The following UBR3 variants were observed in gnomAD, a reference collection of about 807,000 sequenced individuals.
The protein encoded by UBR3 is ubiquitin protein ligase E3 component n-recognin 3.
Under a neutral mutation model 243.2 loss-of-function variants are expected in UBR3, and 85 were observed. That is an observed-to-expected ratio of 0.35 (90% CI 0.29 to 0.42). UBR3 has a LOEUF of 0.42. Among genes scored for constraint, UBR3 ranks in the 10% least tolerant of loss-of-function variants. The pLI is 1.00. For missense variants in UBR3, 1,686 were observed against 2,300.8 expected, an observed-to-expected ratio of 0.73 and a Z score of 5.47; for synonymous variants, 748 against 799.8, an observed-to-expected ratio of 0.94 and a Z score of 1.09.
chr2:169,959,922 A>G (rs899710475), intron 24 of UBR3, among the ~76,000 whole-genome samples: 1 of 152,204 alleles, frequency 6.6e-6, no homozygotes, highest in African/African-American at 2.4e-5. Context: ...GATGGGTTGC[A>G]GTCAAAACTA....
chr2:169,919,568 C>G (rs2085607258), intron 11 of UBR3, among the ~76,000 whole-genome samples: 1 of 152,104 alleles, frequency 6.6e-6, no homozygotes, highest in African/African-American at 2.4e-5. Flanking sequence ...ACTCATCTGA[C>G]AAAGGTTCAT....
intron 11 of UBR3, 51 bp from the exon 12 acceptor site, chr2:169,923,878 A>T: frequency 6.9e-7 from 1 of 1,443,206 alleles, no homozygotes; most frequent in Non-Finnish European, 9.3e-7. Context: ...AACCATCTTA[A>T]AATTTCTATA....
intron 25 of UBR3, among the ~76,000 whole-genome samples, chr2:169,992,480 G>A (rs2089316031): frequency 6.6e-6 from 1 of 152,136 alleles, no homozygotes; most frequent in South Asian, 2.1e-4. Flanking sequence ...TCCCTTATGA[G>A]TATACATGCA....
At position 170,082,860 on chromosome 2, in the gene UBR3, A is replaced by C. The variant is rs2091928160; in HGVS notation, c.*1017A>C. 2 of 152,420 alleles carry C rather than the reference A, an allele frequency of 1.3e-5. No individual in the cohort carries two copies. The highest frequency in any genetic ancestry group is 1.3e-4 in the Admixed American group (2 of 15,278). The allele number at this position is 152,420 out of a possible 1,614,324, so 9.4% of individuals were successfully genotyped here. ...TTTCCTAAAAGGAAAAAAAAGGCGC[A>C]GTGGTGATGACCCTCATGAATGAGC... is the stretch of plus-strand genomic sequence containing the variant. On this transcript the variant is annotated 3_prime_UTR_variant, in exon 39 of 39. Coordinates refer to ENST00000272793, the MANE Select transcript of UBR3 (RefSeq NM_172070.4).
At chr2:169,954,165 T>TTTGTTTTGTCTTGTC (rs2087159278) in intron 23 of UBR3, among the ~76,000 whole-genome samples, 2 of 140,740 alleles carry the variant, frequency 1.4e-5, no homozygotes, top group Non-Finnish European at 3.1e-5. Flanking sequence ...TAATGTTTGA[T>TTTGTTTTGTCTTGTC]TTGTCTTGTC....
chr2:170,020,776 A>G lies in UBR3; in HGVS notation c.4453+5410A>G, dbSNP rs572978513. ...TCTTTTCTTTTGATACATCTTACAAATTCAGAAGATTTTGGTATTTTGTTT... is the reference window on the plus strand; with the variant it reads ...TCTTTTCTTTTGATACATCTTACAAGTTCAGAAGATTTTGGTATTTTGTTT... On this transcript the variant is annotated intron_variant, in intron 30 of 38. Coordinates refer to ENST00000272793, the MANE Select transcript of UBR3 (RefSeq NM_172070.4). 7.2e-5 allele frequency among the ~76,000 whole-genome samples: 11 copies of G among 152,316 alleles called. No individual in the cohort carries two copies. In the East Asian group the frequency reaches 2.1e-3, roughly 29 times the overall value.
At chr2:169,995,080 A>G (rs1246571253) in intron 26 of UBR3, among the ~76,000 whole-genome samples, 1 of 152,160 alleles carries the variant, frequency 6.6e-6, no homozygotes, top group Admixed American at 6.5e-5. Flanking sequence ...TAATGAAAAC[A>G]TATTAATTTT....
At chr2:169,896,341 C>A (rs570054878) in intron 7 of UBR3, among the ~76,000 whole-genome samples, 166 bp from the exon 8 acceptor site, 14 of 150,780 alleles carry the variant, frequency 9.3e-5, no homozygotes, top group Non-Finnish European at 1.6e-4. Context: ...TGCAAATGTT[C>A]CAAAAAAGTG....
chr2:169,970,137 G>A (rs2088041767), intron 24 of UBR3, among the ~76,000 whole-genome samples: 1 of 150,888 alleles, frequency 6.6e-6, no homozygotes, highest in Admixed American at 6.6e-5. Flanking sequence ...GACATGAGAT[G>A]TCTGTCCATT....
At chr2:170,078,534 G>A (rs909129326) in intron 36 of UBR3, among the ~76,000 whole-genome samples, 1 of 152,172 alleles carries the variant, frequency 6.6e-6, no homozygotes, top group Non-Finnish European at 1.5e-5. Context: ...CATTCTGTAG[G>A]TGATTTCTTC....
rs961768833 is a variant in UBR3, at chr2:169,924,020, T to A, written c.1932+26T>A. 6 of 1,529,088 alleles carry A rather than the reference T, an allele frequency of 3.9e-6. No homozygotes were observed. The Admixed American group carries it at 1.3e-4, about 34-fold the overall frequency. The allele number at this position is 1,529,088 out of a possible 1,614,324, so 94.7% of individuals were successfully genotyped here. ...GTAAGACTGTCATTAAACAATTCTG[T>A]TCTTTTTTTTTTAATTTTCAGAAAT... On this transcript the variant is annotated intron_variant, in intron 12 of 38. Transcript: ENST00000272793.
intron 3 of UBR3, 115 bp from the exon 4 acceptor site, chr2:169,877,379 T>G: frequency 1.1e-6 from 1 of 922,980 alleles, no homozygotes; most frequent in South Asian, 2.0e-5. Context: ...TTATTCATTC[T>G]AGGGCTCCCA....
At chr2:169,901,928 C>T (rs1424337310) in intron 8 of UBR3, among the ~76,000 whole-genome samples, 1 of 152,206 alleles carries the variant, frequency 6.6e-6, no homozygotes, top group Non-Finnish European at 1.5e-5. Flanking sequence ...TGCCTTTCCT[C>T]CCTGCATATC....
chr2:169,924,474 C>T (rs536152684), intron 13 of UBR3, among the ~76,000 whole-genome samples: 1 of 152,158 alleles, frequency 6.6e-6, no homozygotes, highest in African/African-American at 2.4e-5. Context: ...TTGGTGCTAC[C>T]ACTGTTTTAT....
chr2:169,855,792 C>T (rs1238851259), intron 1 of UBR3, among the ~76,000 whole-genome samples: 1 of 152,224 alleles, frequency 6.6e-6, no homozygotes, highest in African/African-American at 2.4e-5. Context: ...TTTCTTTTCC[C>T]CACACTTCCC....
chr2:169,978,213 G>A (rs2105381796), intron 24 of UBR3, among the ~76,000 whole-genome samples: 1 of 152,260 alleles, frequency 6.6e-6, no homozygotes, highest in Non-Finnish European at 1.5e-5. Context: ...CTTACCCAAG[G>A]GGATCCCTCT....
chr2:169,838,040 A>G (rs2082164320), intron 1 of UBR3, among the ~76,000 whole-genome samples: 1 of 152,168 alleles, frequency 6.6e-6, no homozygotes, highest in Non-Finnish European at 1.5e-5. Flanking sequence ...TAGTCTTCAA[A>G]AGGGTTTTTG....
intron 24 of UBR3, among the ~76,000 whole-genome samples, chr2:169,959,902 G>A (rs2087484755): frequency 6.6e-6 from 1 of 152,144 alleles, no homozygotes; most frequent in Non-Finnish European, 1.5e-5. Context: ...TTTCACACTT[G>A]ACCTCTTGTG....
intron 26 of UBR3, among the ~76,000 whole-genome samples, chr2:169,998,283 A>T (rs2089570061): frequency 1.3e-5 from 2 of 152,232 alleles, no homozygotes; most frequent in Non-Finnish European, 2.9e-5. Context: ...AATGGGAGCA[A>T]AAAGTTAGGG....
Sources: allele counts gnomAD v4.1 joint callset (sites outside exome capture counted in the v4.1 genomes callset), GRCh38; gene constraint gnomAD v4.1.1; transcripts MANE v1.5; gene names NCBI Gene and HGNC (gene_info 2026-07-23, HGNC 2026-07-21).